Variants in WDR37 observed in about 807,000 individuals in gnomAD.
WDR37 encodes the protein WD repeat-containing protein 37.
Under a neutral mutation model 62.9 loss-of-function variants are expected in WDR37, and 19 were observed. The observed-to-expected ratio is 0.30, with a 90% CI of 0.21 to 0.44. The LOEUF (loss-of-function observed/expected upper bound fraction) is 0.44, where lower values mean the gene tolerates loss of function less well. Ranked by LOEUF, WDR37 falls within the 20% of genes least tolerant of loss-of-function variation. The probability of loss-of-function intolerance (pLI) is 1.00; values close to 1 mark genes in which losing one functional copy is unlikely to be tolerated. For synonymous variants in WDR37, 250 were observed against 260.9 expected, an observed-to-expected ratio of 0.96 and a Z score of 0.40; for missense variants, 474 against 657.6, an observed-to-expected ratio of 0.72 and a Z score of 3.05.
intron 1 of WDR37, among the ~76,000 whole-genome samples, chr10:1,069,773 C>T (rs1160303523): frequency 6.6e-6 from 1 of 152,080 alleles, no homozygotes; most frequent in Non-Finnish European, 1.5e-5. Flanking sequence ...ACTATACACA[C>T]ATTATACTAA....
At chr10:1,122,571 C>G (rs904816899) in intron 11 of WDR37, among the ~76,000 whole-genome samples, 1 of 152,212 alleles carries the variant, frequency 6.6e-6, no homozygotes. Flanking sequence ...GCCCCCTGGC[C>G]GTTGCTGAAG....
chr10:1,129,473 T>G lies in WDR37; in HGVS notation c.*129T>G. 1 of 1,333,960 alleles carries G rather than the reference T, an allele frequency of 7.5e-7. No individual in the cohort carries two copies. Among genetic ancestry groups the G allele is most frequent in the East Asian group, 2.4e-5 (1 of 42,194 alleles). The allele number at this position is 1,333,960 out of a possible 1,614,324, so 82.6% of individuals were successfully genotyped here. On this transcript the variant is annotated 3_prime_UTR_variant, in exon 14 of 14. Coordinates refer to ENST00000263150, the MANE Select transcript of WDR37 (RefSeq NM_014023.4). ...GAAAGGGTGCTTTGTATATGTTCTT[T>G]TCACATAGTGCCCAGCTTGCATGAA... is the stretch of plus-strand genomic sequence containing the variant.
chr10:1,071,357 A>C (rs764452474), intron 1 of WDR37, among the ~76,000 whole-genome samples: 14 of 152,212 alleles, frequency 9.2e-5, no homozygotes, highest in Non-Finnish European at 1.5e-4. Flanking sequence ...GGTAATGTTC[A>C]AAATAGCAAA....
chr10:1,078,257 A>G (rs987796111), intron 3 of WDR37, among the ~76,000 whole-genome samples: 14 of 152,212 alleles, frequency 9.2e-5, no homozygotes, highest in Admixed American at 4.6e-4. Context: ...CATTTTCCCT[A>G]CACCAAGTAC....
At chr10:1,075,926 C>T (rs959735027) in intron 2 of WDR37, among the ~76,000 whole-genome samples, 6 of 151,854 alleles carry the variant, frequency 4.0e-5, no homozygotes, top group African/African-American at 1.5e-4. Context: ...ATTACAGGTG[C>T]CTGCCACCAC....
intron 11 of WDR37, among the ~76,000 whole-genome samples, chr10:1,112,091 C>T (rs539540238): frequency 2.0e-5 from 3 of 152,194 alleles, no homozygotes; most frequent in South Asian, 4.2e-4. Context: ...GATTGCACTC[C>T]GTAGATTGAT....
At chr10:1,087,837 A>G (rs932553569) in intron 7 of WDR37, among the ~76,000 whole-genome samples, 4 of 152,244 alleles carry the variant, frequency 2.6e-5, no homozygotes, top group Non-Finnish European at 5.9e-5. Context: ...TTTCGAAGGC[A>G]TGGATGTCTC....
rs773064167 is a variant in WDR37, at chr10:1,103,730, C to T, written c.855C>T (p.Ile285=). 6.8e-6 allele frequency: 11 copies of T among 1,614,112 alleles called. No individual in the cohort carries two copies. The highest frequency in any genetic ancestry group is 4.5e-5 in the East Asian group (2 of 44,898). ...TSLKSHQGVV[I]ASDWLVGGKQ... is the part of the protein sequence containing the mutation. ...TCAAGAGCCACCAGGGCGTGGTCAT[C>T]GCCTCCGACTGGCTGGTTGGGGGGA... Residue 285 remains isoleucine, a synonymous_variant, in exon 10 of 14, where the codon ATC becomes ATT. Coordinates refer to ENST00000263150, the MANE Select transcript of WDR37 (RefSeq NM_014023.4). The surrounding 1 kb of genome is among the most constrained non-coding windows in gnomAD (Gnocchi z 6.3).
At position 1,080,102 on chromosome 10, in the gene WDR37, A is replaced by C. The variant is rs1465036199; in HGVS notation, c.327A>C (p.Thr109=). The C allele has an allele frequency of 6.2e-7, 1 of 1,614,110 alleles. No homozygotes were observed. Among genetic ancestry groups the C allele is most frequent in the African/African-American group, 1.3e-5 (1 of 75,044 alleles). ...GAELSKGQLK[T]KASHSTSQLS... ...AGCTGAGTAAGGGCCAACTCAAAAC[A>C]AAAGGTAAGGTGAATCCCATGAAAG... is the stretch of plus-strand genomic sequence containing the variant. Residue 109 remains threonine (T), a synonymous_variant, in exon 4 of 14, where the codon ACA becomes ACC. Coordinates refer to ENST00000263150, the MANE Select transcript of WDR37 (RefSeq NM_014023.4).
rs1054882443 is a variant in WDR37 at position 1,085,626 on chromosome 10, C to G, written c.533-660C>G. 9.9e-5 allele frequency among the ~76,000 whole-genome samples: 15 copies of G among 152,208 alleles called. 1 individual carries two copies. The highest frequency in any genetic ancestry group is 8.5e-4 in the Admixed American group (13 of 15,284). On this transcript the variant is annotated intron_variant, in intron 6 of 13. Coordinates refer to ENST00000263150, the MANE Select transcript of WDR37 (RefSeq NM_014023.4). ...GACGTTAATCACTCACTGGACTCTG[C>G]TTTTTAGAGGCAGAAGTGAATGTGA...
chr10:1,072,581 T>TA (rs371415311), intron 2 of WDR37, among the ~76,000 whole-genome samples: 129 of 152,304 alleles, frequency 8.5e-4, no homozygotes, highest in Non-Finnish European at 1.6e-3. Context: ...CCCAAAGTGT[T>TA]AGGATTACAG....
In WDR37 at chr10:1,121,087, G is replaced by A. The variant is rs764887196; in HGVS notation, c.1104-3131G>A. ...CCATTTCCAGTGCACGGCCGTGCGCGCCAGCCTCCCCATGGGACCTGTGGG... is the reference window on the plus strand; with the variant it reads ...CCATTTCCAGTGCACGGCCGTGCGCACCAGCCTCCCCATGGGACCTGTGGG... On this transcript the variant is annotated intron_variant, in intron 11 of 13. Transcript: ENST00000263150. The surrounding 1 kb of genome is among the most constrained non-coding windows in gnomAD (Gnocchi z 4.5). Among the ~76,000 whole-genome samples, 3 of 152,212 alleles carry A rather than the reference G, an allele frequency of 2.0e-5. No homozygotes were observed. Among genetic ancestry groups the A allele is most frequent in the African/African-American group, 7.2e-5 (3 of 41,460 alleles).
intron 1 of WDR37, among the ~76,000 whole-genome samples, chr10:1,059,100 G>T (rs942216200): frequency 3.3e-5 from 5 of 152,192 alleles, no homozygotes; most frequent in Non-Finnish European, 5.9e-5. Context: ...TGTTGGCAGG[G>T]CGTGGTGGCT....
At chr10:1,127,840 C>T (rs1835847637) in intron 13 of WDR37, among the ~76,000 whole-genome samples, 1 of 152,194 alleles carries the variant, frequency 6.6e-6, no homozygotes, top group Admixed American at 6.5e-5. Context: ...CCGGGTGCAT[C>T]TGCTTCCTGG....
intron 1 of WDR37, among the ~76,000 whole-genome samples, chr10:1,063,073 G>A (rs959795931): frequency 7.4e-5 from 11 of 148,406 alleles, no homozygotes; most frequent in Admixed American, 5.3e-4. Context: ...GGAACAGAGC[G>A]ACACTCTGTT....
intron 1 of WDR37, among the ~76,000 whole-genome samples, chr10:1,066,265 G>A (rs1388910105): frequency 2.0e-5 from 3 of 152,210 alleles, no homozygotes; most frequent in Non-Finnish European, 4.4e-5. Flanking sequence ...ACAGGTGCCT[G>A]CCACCACGCC....
At chr10:1,126,376 A>G (rs979720439) in intron 13 of WDR37, among the ~76,000 whole-genome samples, 12 of 148,692 alleles carry the variant, frequency 8.1e-5, no homozygotes, top group Non-Finnish European at 1.3e-4. Context: ...ACTGCACTCC[A>G]GCCTGGGCGA....
At chr10:1,094,298 C>T (rs1173577828) in intron 8 of WDR37, among the ~76,000 whole-genome samples, 1 of 152,208 alleles carries the variant, frequency 6.6e-6, no homozygotes. Flanking sequence ...AAGTGGGCGG[C>T]TGTCTGGGTT....
chr10:1,095,649 T>C (rs1834550540), intron 8 of WDR37, among the ~76,000 whole-genome samples: 1 of 152,150 alleles, frequency 6.6e-6, no homozygotes, highest in African/African-American at 2.4e-5. Context: ...TGCTGTCCTT[T>C]TGTCTTTCCA....
Sources: allele counts gnomAD v4.1 joint callset (sites outside exome capture counted in the v4.1 genomes callset), GRCh38; gene constraint gnomAD v4.1.1; non-coding constraint Gnocchi (gnomAD v3.1); transcripts MANE v1.5; gene names NCBI Gene and HGNC (gene_info 2026-07-23, HGNC 2026-07-21).